LRRC4C: variants seen among roughly 807,000 people sequenced by gnomAD.
The protein encoded by LRRC4C is leucine rich repeat containing 4C.
A neutral mutation model predicts 33.6 loss-of-function variants in LRRC4C; 5 were observed. The ratio of observed to expected loss-of-function variants is 0.15; its 90% CI spans 0.08 to 0.31. The LOEUF (loss-of-function observed/expected upper bound fraction) is 0.31. Ranked by LOEUF, LRRC4C falls within the 10% of genes least tolerant of loss-of-function variation. LRRC4C has a pLI of 1.00. For synonymous variants in LRRC4C, 329 were observed against 302.0 expected (o/e 1.09, Z -0.93); for missense variants, 560 against 796.7 (o/e 0.70, Z 3.58).
intron 1 of LRRC4C, among the ~76,000 whole-genome samples, chr11:41,227,420 T>C (rs1297587231): frequency 6.6e-6 from 1 of 152,156 alleles, no homozygotes. Flanking sequence ...GAGAATTACA[T>C]ATTCCAAAAG....
chr11:40,354,558 T>C (rs1186567538), intron 3 of LRRC4C, among the ~76,000 whole-genome samples: 4 of 152,144 alleles, frequency 2.6e-5, no homozygotes, highest in African/African-American at 9.6e-5. Flanking sequence ...CAAGACAAAG[T>C]TCTTCCTATC....
At position 40,379,125 on chromosome 11, in the gene LRRC4C, G is replaced by A. The variant is rs189380504; in HGVS notation, c.-269-59404C>T. Reference sequence around the variant, plus strand: ...AGGAGATAAAGTTATAAAGAGCAGAGTAACTTAAAGATGTTTGGAGGTGTA... The same window carrying A: ...AGGAGATAAAGTTATAAAGAGCAGAATAACTTAAAGATGTTTGGAGGTGTA... On this transcript the variant is annotated intron_variant, in intron 3 of 6. Coordinates refer to ENST00000528697, the MANE Select transcript of LRRC4C (RefSeq NM_001258419.2). Among the ~76,000 whole-genome samples, 44 of 152,224 alleles carry A rather than the reference G, an allele frequency of 2.9e-4. No homozygotes were observed. In the East Asian group the frequency reaches 3.5e-3, roughly 12 times the overall value.
At chr11:41,283,150 C>T (rs1437330526) in intron 1 of LRRC4C, among the ~76,000 whole-genome samples, 1 of 152,126 alleles carries the variant, frequency 6.6e-6, no homozygotes, top group Non-Finnish European at 1.5e-5. Context: ...TCAATAACAG[C>T]AATCACAAAA....
intron 1 of LRRC4C, among the ~76,000 whole-genome samples, chr11:41,040,314 T>C (rs1857354765): frequency 6.7e-6 from 1 of 150,088 alleles, no homozygotes; most frequent in Non-Finnish European, 1.5e-5. Context: ...AAGGAATGCA[T>C]ATTTAAAAAA....
chr11:40,577,959 C>T (rs1421026462), intron 3 of LRRC4C, among the ~76,000 whole-genome samples: 1 of 150,142 alleles, frequency 6.7e-6, no homozygotes, highest in Non-Finnish European at 1.5e-5. Flanking sequence ...CTCAGCCTCC[C>T]GAGTAGCTGG....
At chr11:40,852,117 A>G (rs1021024550) in intron 2 of LRRC4C, among the ~76,000 whole-genome samples, 3 of 149,216 alleles carry the variant, frequency 2.0e-5, no homozygotes, top group Admixed American at 6.7e-5. Context: ...GTGAGCCACC[A>G]TGCACTACTA....
intron 1 of LRRC4C, among the ~76,000 whole-genome samples, chr11:41,091,031 G>A (rs1420242811): frequency 3.9e-5 from 6 of 152,124 alleles, no homozygotes; most frequent in Non-Finnish European, 8.8e-5. Flanking sequence ...CATTGAATGA[G>A]CAGCTGTTGC....
chr11:41,304,045 T>G (rs1227868788), intron 1 of LRRC4C, among the ~76,000 whole-genome samples: 5 of 45,312 alleles, frequency 1.1e-4, no homozygotes, highest in Non-Finnish European at 1.5e-4. Context: ...GGGAGGGAGG[T>G]GGGGGGTCAG....
chr11:40,235,039 C>G (rs192757655), intron 5 of LRRC4C, among the ~76,000 whole-genome samples: 5 of 152,146 alleles, frequency 3.3e-5, no homozygotes, highest in Non-Finnish European at 5.9e-5. Context: ...TCCAATTACC[C>G]TGATTGCAGC....
chr11:40,115,282 C>G lies in LRRC4C; in HGVS notation c.1011G>C (p.Lys337Asn). 1.9e-6 allele frequency: 3 copies of G among 1,614,118 alleles called. No homozygotes were observed. The highest frequency in any genetic ancestry group is 2.5e-6 in the Non-Finnish European group (3 of 1,180,024). Reference protein sequence around the residue: ...CARCNTPPNLKGRYIGELDQN... With the variant: ...CARCNTPPNLNGRYIGELDQN... ...GGTCGAGCTCTCCAATGTACCTCCCCTTTAGATTGGGAGGAGTGTTACACC... is the reference window on the plus strand; with the variant it reads ...GGTCGAGCTCTCCAATGTACCTCCCGTTTAGATTGGGAGGAGTGTTACACC... Residue 337 changes from lysine to asparagine, a missense_variant, in exon 7 of 7, where the codon AAG becomes AAC. Physicochemically the swap from Lys to Asn is moderately conservative, Grantham distance 94 (BLOSUM62 0). This residue lies in a region of LRRC4C where 455 missense variants were observed against 643.8 expected (regional missense o/e 0.71). Coordinates refer to ENST00000528697, the MANE Select transcript of LRRC4C (RefSeq NM_001258419.2). This position sits in a 1 kb window ranked among gnomAD's most constrained non-coding sequence, Gnocchi z 6.7.
intron 1 of LRRC4C, among the ~76,000 whole-genome samples, chr11:41,061,645 T>C (rs1425959102): frequency 2.0e-5 from 3 of 152,214 alleles, no homozygotes; most frequent in African/African-American, 7.2e-5. Flanking sequence ...TTCCTGATGA[T>C]AGCTTGGCCC....
chr11:40,498,052 C>T (rs1202124005), intron 3 of LRRC4C, among the ~76,000 whole-genome samples: 7 of 152,134 alleles, frequency 4.6e-5, no homozygotes, highest in Non-Finnish European at 8.8e-5. Context: ...CATTTATCTA[C>T]ATAATTAATT....
At chr11:41,161,409 T>G (rs1187860835) in intron 1 of LRRC4C, among the ~76,000 whole-genome samples, 1 of 152,184 alleles carries the variant, frequency 6.6e-6, no homozygotes, top group Non-Finnish European at 1.5e-5. Flanking sequence ...TCTTTACACA[T>G]ATGCTATGTA....
intron 3 of LRRC4C, among the ~76,000 whole-genome samples, chr11:40,569,536 A>T (rs1212360728): frequency 2.6e-5 from 4 of 152,008 alleles, no homozygotes; most frequent in Non-Finnish European, 4.4e-5. Flanking sequence ...TGTATGTGTG[A>T]TGTCTGTGTT....
intron 2 of LRRC4C, among the ~76,000 whole-genome samples, chr11:40,786,850 T>TC: frequency 6.6e-6 from 1 of 151,774 alleles, no homozygotes; most frequent in South Asian, 2.1e-4. Flanking sequence ...CATTAACATC[T>TC]CCCCCACCCC....
intron 3 of LRRC4C, among the ~76,000 whole-genome samples, chr11:40,501,562 TG>T (rs543971276): frequency 1.5e-4 from 23 of 152,324 alleles, no homozygotes; most frequent in Middle Eastern, 3.4e-3. Context: ...TGCCAAGGCT[TG>T]GGGCTTGCAC....
At chr11:40,586,205 T>G (rs1160700218) in intron 3 of LRRC4C, among the ~76,000 whole-genome samples, 4 of 152,090 alleles carry the variant, frequency 2.6e-5, no homozygotes, top group African/African-American at 9.7e-5. Flanking sequence ...GGTTTTGATT[T>G]GCATTTCTCT....
rs539289896 is a variant in LRRC4C at position 41,030,465 on chromosome 11, G to A, written c.-495-96742C>T. On this transcript the variant is annotated intron_variant, in intron 1 of 6. Transcript: ENST00000528697. The stretch of plus-strand genomic sequence containing the variant: ...CTGACCTTCTTTCACTGTATCAAAA[G>A]CCTAGACAGAATTGCAGGAGGGAGC... Among the ~76,000 whole-genome samples the A allele has an allele frequency of 2.6e-5, 4 of 151,834 alleles. No individual in the cohort carries two copies. The East Asian group carries it at 7.8e-4, about 30-fold the overall frequency.
intron 1 of LRRC4C, among the ~76,000 whole-genome samples, chr11:40,990,854 T>C (rs1853491145): frequency 6.6e-6 from 1 of 152,136 alleles, no homozygotes. Context: ...TTTTTTTAAG[T>C]ATTCTGTGTG....
Sources: allele counts gnomAD v4.1 joint callset (sites outside exome capture counted in the v4.1 genomes callset), GRCh38; gene constraint gnomAD v4.1.1; regional missense constraint gnomAD v4.1.1; non-coding constraint Gnocchi (gnomAD v3.1); transcripts MANE v1.5; gene names NCBI Gene and HGNC (gene_info 2026-07-23, HGNC 2026-07-21).